The following TMOD1 variants were observed in gnomAD, a reference collection of about 807,000 sequenced individuals.
The protein encoded by TMOD1 is tropomodulin-1.
Under a neutral mutation model 40.6 loss-of-function variants are expected in TMOD1, and 17 were observed. That is an observed-to-expected ratio of 0.42 (90% CI 0.29 to 0.63). TMOD1 has a LOEUF of 0.63. TMOD1 is among the 20% of genes least tolerant of loss of function. TMOD1 has a pLI of 0.22. For synonymous variants in TMOD1, 181 were observed against 175.0 expected (o/e 1.03, Z -0.27); for missense variants, 391 against 447.6 (o/e 0.87, Z 1.14).
intron 1 of TMOD1, among the ~76,000 whole-genome samples, chr9:97,522,560 AT>A (rs1303688951): frequency 1.3e-5 from 2 of 151,942 alleles, no homozygotes; most frequent in African/African-American, 4.8e-5. Flanking sequence ...TTTGTATTTT[AT>A]TTATTTATTT....
At chr9:97,503,056 C>T (rs1829531310) in intron 1 of TMOD1, among the ~76,000 whole-genome samples, 1 of 152,156 alleles carries the variant, frequency 6.6e-6, no homozygotes, top group East Asian at 1.9e-4. Flanking sequence ...AATCGCAGAA[C>T]CAGACCCTGA....
Position 97,600,284 on chromosome 9 carries a change from A to G in TMOD1, c.*586A>G, listed in dbSNP as rs1826225136. ...CCACTGAACTCTGCCAGGAGTCAAC[A>G]TGAGATTCCTTTTGCTGGATATGCA... is the stretch of plus-strand genomic sequence containing the variant. On this transcript the variant is annotated 3_prime_UTR_variant, in exon 10 of 10. Transcript: ENST00000259365. 2.0e-6 allele frequency: 2 copies of G among 986,174 alleles called. No homozygotes were observed. The highest frequency in any genetic ancestry group is 1.2e-6 in the Non-Finnish European group (1 of 830,246). The allele number at this position is 986,174 out of a possible 1,614,324, so 61.1% of individuals were successfully genotyped here. A position where few individuals can be genotyped will look rare whatever the true frequency, so the allele number is the denominator to read the frequency against.
rs1434898486 is a variant in TMOD1, at chr9:97,502,964, A to G, written c.-49+1161A>G. Reference sequence around the variant, plus strand: ...CCTCCTACACCCTTCACCCACCGCTACTATTACAGACCCTGTCTCCAGCCC... The same window carrying G: ...CCTCCTACACCCTTCACCCACCGCTGCTATTACAGACCCTGTCTCCAGCCC... On this transcript the variant is annotated intron_variant, in intron 1 of 9. Transcript: ENST00000259365. The surrounding 1 kb of genome is among the most constrained non-coding windows in gnomAD (Gnocchi z 6.1). 4.6e-5 allele frequency among the ~76,000 whole-genome samples: 7 copies of G among 151,714 alleles called. No homozygotes were observed. Among genetic ancestry groups the G allele is most frequent in the Non-Finnish European group, 1.0e-4 (7 of 67,930 alleles).
intron 1 of TMOD1, among the ~76,000 whole-genome samples, chr9:97,506,244 G>A (rs1455530645): frequency 6.6e-6 from 1 of 152,156 alleles, no homozygotes; most frequent in African/African-American, 2.4e-5. Flanking sequence ...GCACCAGCCA[G>A]AGTGTGTTCT....
At chr9:97,567,058 A>T (rs940360726) in intron 7 of TMOD1, among the ~76,000 whole-genome samples, 4 of 152,172 alleles carry the variant, frequency 2.6e-5, no homozygotes, top group African/African-American at 7.2e-5. Context: ...GTAGCAATCG[A>T]TTTTTTTCTG....
chr9:97,510,045 C>T (rs1253394393), intron 1 of TMOD1, among the ~76,000 whole-genome samples: 2 of 151,944 alleles, frequency 1.3e-5, no homozygotes, highest in African/African-American at 2.4e-5. Flanking sequence ...ATATATTTTC[C>T]CCCAGCTTGC....
intron 1 of TMOD1, among the ~76,000 whole-genome samples, chr9:97,508,897 G>A (rs1001874492): frequency 6.6e-6 from 1 of 152,152 alleles, no homozygotes; most frequent in Non-Finnish European, 1.5e-5. Flanking sequence ...GAAGAAGAGT[G>A]GACACACGCC....
intron 2 of TMOD1, among the ~76,000 whole-genome samples, chr9:97,524,824 C>T (rs1829981446): frequency 6.6e-6 from 1 of 151,726 alleles, no homozygotes; most frequent in Non-Finnish European, 1.5e-5. Context: ...GCTTTTTTTC[C>T]CTACTCAGGT....
chr9:97,562,701 CA>C, intron 4 of TMOD1, 30 bp from the exon 5 acceptor site: 1 of 1,481,474 alleles, frequency 6.8e-7, no homozygotes, highest in Non-Finnish European at 9.0e-7. Context: ...TCTGCAGAGG[CA>C]CATCATGAGC....
intron 6 of TMOD1, among the ~76,000 whole-genome samples, chr9:97,565,606 A>G (rs954407331): frequency 2.0e-5 from 3 of 152,196 alleles, no homozygotes; most frequent in Non-Finnish European, 2.9e-5. Flanking sequence ...CTGGCCCCCA[A>G]GTGCACAAAG....
chr9:97,561,644 T>C (rs868535873), intron 4 of TMOD1, among the ~76,000 whole-genome samples: 1 of 152,154 alleles, frequency 6.6e-6, no homozygotes, highest in Non-Finnish European at 1.5e-5. Context: ...CTATCCTGTT[T>C]CCCCCAGCAG....
intron 2 of TMOD1, among the ~76,000 whole-genome samples, chr9:97,544,355 G>A (rs1830324851): frequency 2.0e-5 from 3 of 152,098 alleles, no homozygotes; most frequent in Admixed American, 1.3e-4. Context: ...AGCCAATATG[G>A]TGAAACCCTG....
At chr9:97,597,738 C>CCATGCA (rs936855827) in intron 9 of TMOD1, among the ~76,000 whole-genome samples, 10 of 149,190 alleles carry the variant, frequency 6.7e-5, no homozygotes, top group Admixed American at 6.0e-4. Flanking sequence ...GCCAGGGGAA[C>CCATGCA]CATGCACACA....
chr9:97,511,965 G>A (rs1406327279), intron 1 of TMOD1, among the ~76,000 whole-genome samples: 1 of 152,186 alleles, frequency 6.6e-6, no homozygotes, highest in Non-Finnish European at 1.5e-5. Context: ...ATAAATCTAT[G>A]TCTTCTGCCC....
intron 2 of TMOD1, among the ~76,000 whole-genome samples, chr9:97,525,485 TC>T (rs1475680797): frequency 6.6e-6 from 1 of 152,248 alleles, no homozygotes; most frequent in African/African-American, 2.4e-5. Context: ...CCTGTTTCAT[TC>T]CCCATTCTTT....
chr9:97,544,620 A>G (rs1830332728), intron 2 of TMOD1, among the ~76,000 whole-genome samples: 1 of 152,198 alleles, frequency 6.6e-6, no homozygotes, highest in Non-Finnish European at 1.5e-5. Context: ...TGCCAGGCAT[A>G]CAGTGATCTT....
intron 8 of TMOD1, among the ~76,000 whole-genome samples, chr9:97,587,644 G>A (rs1825910229): frequency 6.6e-6 from 1 of 151,684 alleles, no homozygotes; most frequent in Non-Finnish European, 1.5e-5. Context: ...TTAAAATTCA[G>A]TGGGTTTTGA....
At chr9:97,571,324 T>C (rs897338973) in intron 8 of TMOD1, among the ~76,000 whole-genome samples, 6 of 152,346 alleles carry the variant, frequency 3.9e-5, no homozygotes, top group East Asian at 3.9e-4. Flanking sequence ...ATGGAGCCCA[T>C]GCTAACCATT....
At position 97,588,594 on chromosome 9, in the gene TMOD1, G is replaced by A. The variant is rs532970813; in HGVS notation, c.871-2697G>A. Among the ~76,000 whole-genome samples the A allele has an allele frequency of 8.5e-5, 13 of 152,244 alleles. No individual in the cohort carries two copies. In the East Asian group the frequency reaches 1.5e-3, roughly 18 times the overall value. On this transcript the variant is annotated intron_variant, in intron 8 of 9. Coordinates refer to ENST00000259365, the MANE Select transcript of TMOD1 (RefSeq NM_003275.4). ...AAGCACAAAAGTTTTAAATTTTGATGAAGTGTAACATCTATTGATCTATGG... is the reference window on the plus strand; with the variant it reads ...AAGCACAAAAGTTTTAAATTTTGATAAAGTGTAACATCTATTGATCTATGG...
Sources: gnomAD v4.1 joint callset for allele counts (sites outside exome capture counted in the v4.1 genomes callset) on GRCh38, gnomAD v4.1.1 for gene constraint, Gnocchi (gnomAD v3.1) non-coding constraint, MANE v1.5 for transcripts, NCBI Gene and HGNC (gene_info 2026-07-23, HGNC 2026-07-21) for gene names.